The following DCC variants were observed in gnomAD, a reference collection of about 807,000 sequenced individuals.
DCC encodes netrin receptor DCC.
A neutral mutation model predicts 172.5 loss-of-function variants in DCC; 58 were observed. The ratio of observed to expected loss-of-function variants is 0.34; its 90% CI spans 0.27 to 0.42. DCC has a LOEUF of 0.42. Ranked by LOEUF, DCC falls within the 10% of genes least tolerant of loss-of-function variation. The pLI is 1.00. For synonymous variants in DCC, 709 were observed against 644.5 expected (o/e 1.10, Z -1.52); for missense variants, 1,740 against 1,791.0 (o/e 0.97, Z 0.51).
At chr18:52,960,796 G>A (rs544122506) in intron 5 of DCC, among the ~76,000 whole-genome samples, 2 of 152,122 alleles carry the variant, frequency 1.3e-5, no homozygotes, top group Non-Finnish European at 2.9e-5. Flanking sequence ...AACTCCAAGG[G>A]ATTGTTCAAA....
intron 2 of DCC, among the ~76,000 whole-genome samples, chr18:52,755,380 G>A (rs779381352): frequency 2.6e-5 from 4 of 152,146 alleles, no homozygotes; most frequent in East Asian, 3.8e-4. Flanking sequence ...GAGTTCCTTC[G>A]CTGTGAGATA....
intron 5 of DCC, among the ~76,000 whole-genome samples, chr18:52,931,252 T>G (rs2145502627): frequency 1.3e-5 from 2 of 152,220 alleles, no homozygotes; most frequent in South Asian, 4.1e-4. Flanking sequence ...TATGAAAAAT[T>G]GAATTTATTG....
At chr18:53,373,171 C>T (rs1190015902) in intron 15 of DCC, among the ~76,000 whole-genome samples, 1 of 152,052 alleles carries the variant, frequency 6.6e-6, no homozygotes, top group African/African-American at 2.4e-5. Context: ...TACAAATATA[C>T]ACCAGTAATG....
chr18:53,160,234 A>G (rs890872325), intron 8 of DCC, among the ~76,000 whole-genome samples: 1 of 152,140 alleles, frequency 6.6e-6, no homozygotes, highest in African/African-American at 2.4e-5. Flanking sequence ...GAACCTTGAC[A>G]ACACCAATCA....
chr18:52,696,825 T>A (rs9965045), intron 1 of DCC, among the ~76,000 whole-genome samples: 1 of 152,028 alleles, frequency 6.6e-6, no homozygotes, highest in African/African-American at 2.4e-5. Flanking sequence ...TATAGTCAGG[T>A]GAATGTCTTG....
intron 22 of DCC, among the ~76,000 whole-genome samples, chr18:53,438,026 A>G (rs1395074100): frequency 6.6e-6 from 1 of 152,194 alleles, no homozygotes; most frequent in Admixed American, 6.5e-5. Flanking sequence ...GAGAAACATA[A>G]TTGTTGTATT....
intron 5 of DCC, among the ~76,000 whole-genome samples, chr18:52,928,808 G>A (rs1237123138): frequency 3.3e-5 from 5 of 152,098 alleles, no homozygotes; most frequent in Non-Finnish European, 7.4e-5. Flanking sequence ...AGAAGCTGCC[G>A]TTGACCATGG....
At chr18:52,575,350 C>T (rs1454521006) in intron 1 of DCC, among the ~76,000 whole-genome samples, 1 of 152,122 alleles carries the variant, frequency 6.6e-6, no homozygotes, top group Non-Finnish European at 1.5e-5. Context: ...AGAAGAAGTG[C>T]TAATGGATAG....
At chr18:52,471,267 T>C (rs1430314384) in intron 1 of DCC, among the ~76,000 whole-genome samples, 1 of 152,124 alleles carries the variant, frequency 6.6e-6, no homozygotes, top group African/African-American at 2.4e-5. Flanking sequence ...GGAGGACTGC[T>C]TGAGCCCAGG....
rs138357341 is a variant in DCC at position 52,880,587 on chromosome 18, C to CT, written c.413-25456dup. Among the ~76,000 whole-genome samples, 406 of 152,252 alleles carry CT rather than the reference C, an allele frequency of 2.7e-3. 2 individuals carry two copies. The highest frequency in any genetic ancestry group is 9.4e-3 in the African/African-American group (390 of 41,548). ...GTCAATTGTTTTGATATTTTAGCTC[C>CT]TACAAATAATTTAGAATATGTGAAG... On this transcript the variant is annotated intron_variant, in intron 2 of 28. Coordinates refer to ENST00000442544, the MANE Select transcript of DCC (RefSeq NM_005215.4).
chr18:53,476,377 G>A (rs1307968768), intron 25 of DCC, among the ~76,000 whole-genome samples: 1 of 152,168 alleles, frequency 6.6e-6, no homozygotes, highest in Admixed American at 6.5e-5. Flanking sequence ...ATTCCCATGT[G>A]TTGTGGCAGG....
At chr18:52,807,125 G>A (rs918390020) in intron 2 of DCC, among the ~76,000 whole-genome samples, 64 of 152,326 alleles carry the variant, frequency 4.2e-4, no homozygotes, top group African/African-American at 1.5e-3. Flanking sequence ...AGCGCGGGAG[G>A]TGGAGGTTGC....
intron 1 of DCC, among the ~76,000 whole-genome samples, chr18:52,618,215 A>C (rs2034419479): frequency 1.3e-5 from 2 of 152,280 alleles, no homozygotes; most frequent in South Asian, 2.1e-4. Flanking sequence ...GGAAAAAAAA[A>C]CTTATTCATA....
chr18:52,815,771 C>T (rs1167612481), intron 2 of DCC, among the ~76,000 whole-genome samples: 1 of 152,160 alleles, frequency 6.6e-6, no homozygotes, highest in Non-Finnish European at 1.5e-5. Flanking sequence ...TATTAGATAA[C>T]TATGATATAT....
intron 2 of DCC, among the ~76,000 whole-genome samples, chr18:52,888,890 C>A (rs1164500549): frequency 2.0e-5 from 3 of 151,980 alleles, no homozygotes; most frequent in Non-Finnish European, 4.4e-5. Context: ...TATACACACA[C>A]CCCTCTTTAC....
chr18:52,464,309 G>A (rs1324725930), intron 1 of DCC, among the ~76,000 whole-genome samples: 1 of 152,132 alleles, frequency 6.6e-6, no homozygotes, highest in Non-Finnish European at 1.5e-5. Flanking sequence ...GCTGGGGGTG[G>A]AATCAGAACA....
intron 1 of DCC, among the ~76,000 whole-genome samples, chr18:52,544,451 CTTTT>C (rs112130561): frequency 3.2e-4 from 48 of 149,166 alleles, no homozygotes; most frequent in Admixed American, 1.8e-3. Context: ...TTCTTTCTTT[CTTTT>C]TTTTTTTTGT....
At chr18:52,837,026 G>A (rs2038718965) in intron 2 of DCC, among the ~76,000 whole-genome samples, 1 of 152,174 alleles carries the variant, frequency 6.6e-6, no homozygotes, top group African/African-American at 2.4e-5. Context: ...AAGCTGCCAA[G>A]GCTTGGGGCT....
intron 3 of DCC, among the ~76,000 whole-genome samples, chr18:52,918,869 G>C (rs1248287043): frequency 6.6e-6 from 1 of 151,866 alleles, no homozygotes; most frequent in East Asian, 1.9e-4. Flanking sequence ...CTGAGATCTT[G>C]GTTTCATTTT....
Sources: allele counts gnomAD v4.1 joint callset (sites outside exome capture counted in the v4.1 genomes callset), GRCh38; gene constraint gnomAD v4.1.1; transcripts MANE v1.5; gene names NCBI Gene and HGNC (gene_info 2026-07-23, HGNC 2026-07-21).